Variants in PARD3B observed in about 807,000 individuals in gnomAD.
PARD3B encodes the protein partitioning defective 3 homolog B.
A neutral mutation model predicts 130.2 loss-of-function variants in PARD3B; 103 were observed. That is an observed-to-expected ratio of 0.79 (90% CI 0.67 to 0.93). The LOEUF (loss-of-function observed/expected upper bound fraction) is 0.93. Ranked by LOEUF, PARD3B falls within the 40% of genes least tolerant of loss-of-function variation. The pLI, the probability that PARD3B is intolerant of heterozygous loss-of-function variation, is 0.00. For missense variants in PARD3B, 1,609 were observed against 1,499.2 expected, an observed-to-expected ratio of 1.07 and a Z score of -1.21; for synonymous variants, 583 against 553.2, an observed-to-expected ratio of 1.05 and a Z score of -0.76.
At chr2:205,314,368 G>T (rs2105943454) in intron 18 of PARD3B, among the ~76,000 whole-genome samples, 1 of 152,192 alleles carries the variant, frequency 6.6e-6, no homozygotes, top group Middle Eastern at 3.4e-3. Flanking sequence ...TGTTCCTATG[G>T]TGTCAGCATC....
chr2:204,651,965 C>T (rs2035493811), intron 1 of PARD3B, among the ~76,000 whole-genome samples: 2 of 152,128 alleles, frequency 1.3e-5, no homozygotes, highest in Non-Finnish European at 2.9e-5. Context: ...GGATGTGGGG[C>T]ACCATGTCCC....
intron 22 of PARD3B, among the ~76,000 whole-genome samples, chr2:205,588,533 G>GTGTGCA (rs1255625191): frequency 1.3e-5 from 2 of 151,618 alleles, no homozygotes; most frequent in African/African-American, 4.9e-5. Context: ...GTGTGTGTGC[G>GTGTGCA]TGTGCATATC....
At chr2:205,065,121 G>A (rs996907182) in intron 4 of PARD3B, among the ~76,000 whole-genome samples, 1 of 152,228 alleles carries the variant, frequency 6.6e-6, no homozygotes, top group African/African-American at 2.4e-5. Flanking sequence ...AATAGGGCAA[G>A]CTGCTTAGGC....
intron 15 of PARD3B, among the ~76,000 whole-genome samples, chr2:205,237,100 T>C (rs1235424226): frequency 2.6e-5 from 4 of 152,068 alleles, no homozygotes; most frequent in Non-Finnish European, 4.4e-5. Context: ...TGTTTGTTTG[T>C]TTGTTTGTTT....
chr2:204,581,010 C>T (rs1464476898), intron 1 of PARD3B, among the ~76,000 whole-genome samples: 1 of 152,170 alleles, frequency 6.6e-6, no homozygotes, highest in East Asian at 1.9e-4. Flanking sequence ...ATTTCCTTTG[C>T]TAACTACCAG....
chr2:205,187,194 A>T lies in PARD3B; in HGVS notation c.2024+1331A>T, dbSNP rs1246979743. 1.3e-5 allele frequency among the ~76,000 whole-genome samples: 2 copies of T among 152,224 alleles called. No homozygotes were observed. Among genetic ancestry groups the T allele is most frequent in the Non-Finnish European group, 2.9e-5 (2 of 68,042 alleles). Reference sequence around the variant, plus strand: ...TGTCATTTGAGCTGAACCCTAACTCATGAATAGCAGGTGGACATGAGATGA... The same window carrying T: ...TGTCATTTGAGCTGAACCCTAACTCTTGAATAGCAGGTGGACATGAGATGA... On this transcript the variant is annotated intron_variant, in intron 14 of 22. Coordinates refer to ENST00000406610, the MANE Select transcript of PARD3B (RefSeq NM_001302769.2). This position sits in a 1 kb window ranked among gnomAD's most constrained non-coding sequence, Gnocchi z 4.9.
chr2:205,212,968 G>A (rs1298940514), intron 15 of PARD3B, among the ~76,000 whole-genome samples: 2 of 152,196 alleles, frequency 1.3e-5, no homozygotes, highest in East Asian at 3.9e-4. Context: ...TTACAGATGG[G>A]GCAATCAGGG....
chr2:205,002,340 G>A (rs1442567440), intron 3 of PARD3B, among the ~76,000 whole-genome samples: 1 of 152,180 alleles, frequency 6.6e-6, no homozygotes, highest in Non-Finnish European at 1.5e-5. Context: ...ATCATTGAAT[G>A]GTGCCAGACC....
intron 16 of PARD3B, among the ~76,000 whole-genome samples, chr2:205,275,469 A>T (rs549231299): frequency 2.0e-5 from 3 of 152,148 alleles, no homozygotes; most frequent in African/African-American, 4.8e-5. Flanking sequence ...ATAATAGCAT[A>T]AAAAATCTGG....
At chr2:204,973,002 G>T (rs1357094797) in intron 3 of PARD3B, among the ~76,000 whole-genome samples, 1 of 152,118 alleles carries the variant, frequency 6.6e-6, no homozygotes. Flanking sequence ...CTGATAAAAT[G>T]ATTTGCAGTT....
At chr2:204,947,842 G>A (rs950307533) in intron 2 of PARD3B, among the ~76,000 whole-genome samples, 4 of 152,128 alleles carry the variant, frequency 2.6e-5, no homozygotes, top group Non-Finnish European at 4.4e-5. Context: ...TTGCTTCCCA[G>A]TAATGACATG....
intron 4 of PARD3B, among the ~76,000 whole-genome samples, chr2:205,095,916 A>G (rs933254761): frequency 6.6e-6 from 1 of 152,296 alleles, no homozygotes; most frequent in African/African-American, 2.4e-5. Context: ...TGAGAAGAAA[A>G]GAAAATATCC....
chr2:204,964,177 CT>C (rs1337228116), intron 2 of PARD3B, among the ~76,000 whole-genome samples: 1 of 152,142 alleles, frequency 6.6e-6, no homozygotes, highest in Non-Finnish European at 1.5e-5. Context: ...ACACATTGCA[CT>C]TTTTGGAATG....
Position 205,015,831 on chromosome 2 carries a change from TG to T in PARD3B, c.395-31749del, listed in dbSNP as rs1195077278. Among the ~76,000 whole-genome samples the T allele has an allele frequency of 1.3e-5, 2 of 152,156 alleles. No homozygotes were observed. The highest frequency in any genetic ancestry group is 2.9e-5 in the Non-Finnish European group (2 of 68,016). On this transcript the variant is annotated intron_variant, in intron 3 of 22. Transcript: ENST00000406610. This position sits in a 1 kb window ranked among gnomAD's most constrained non-coding sequence, Gnocchi z 4.5. Reference sequence around the variant, plus strand: ...GTTCAATGAGTTATGAGTGAATGAATGAAAGAATGGGTTTATTTTCCTGATC... The same window carrying T: ...GTTCAATGAGTTATGAGTGAATGAATAAAGAATGGGTTTATTTTCCTGATC...
intron 18 of PARD3B, among the ~76,000 whole-genome samples, chr2:205,315,883 A>T (rs1200162330): frequency 1.3e-5 from 2 of 151,772 alleles, no homozygotes; most frequent in Non-Finnish European, 1.5e-5. Context: ...TTCCCATCAA[A>T]TTTTTTCTTA....
At chr2:205,565,621 T>G (rs1277297193) in intron 22 of PARD3B, among the ~76,000 whole-genome samples, 1 of 152,188 alleles carries the variant, frequency 6.6e-6, no homozygotes, top group Non-Finnish European at 1.5e-5. Context: ...CTTTTTCTGG[T>G]TACTTCTTTC....
At chr2:204,781,643 T>G (rs1454903086) in intron 2 of PARD3B, among the ~76,000 whole-genome samples, 1 of 152,132 alleles carries the variant, frequency 6.6e-6, no homozygotes, top group Non-Finnish European at 1.5e-5. Context: ...AACACTGAAG[T>G]ATAATTTGTT....
intron 21 of PARD3B, among the ~76,000 whole-genome samples, chr2:205,522,129 TTTATTTTTACTTCA>T (rs1266623877): frequency 1.4e-5 from 2 of 147,464 alleles, no homozygotes; most frequent in Non-Finnish European, 3.0e-5. Flanking sequence ...TTTGTTTTCA[TTTATTTTTACTTCA>T]TTATTTTTAC....
chr2:204,986,632 A>G (rs1045474640), intron 3 of PARD3B, among the ~76,000 whole-genome samples: 1 of 152,238 alleles, frequency 6.6e-6, no homozygotes, highest in Admixed American at 6.5e-5. Flanking sequence ...TTTAGATTTC[A>G]CAGATGAGGA....
Sources: gnomAD v4.1 joint callset for allele counts (sites outside exome capture counted in the v4.1 genomes callset) on GRCh38, gnomAD v4.1.1 for gene constraint, Gnocchi (gnomAD v3.1) non-coding constraint, MANE v1.5 for transcripts, NCBI Gene and HGNC (gene_info 2026-07-23, HGNC 2026-07-21) for gene names.